The following DTNA variants were observed in gnomAD, a reference collection of about 807,000 sequenced individuals.
DTNA encodes the protein dystrophin-related protein 3.
Under a neutral mutation model 100.7 loss-of-function variants are expected in DTNA, and 43 were observed. The observed-to-expected ratio is 0.43, with a 90% CI of 0.33 to 0.55. The LOEUF is 0.55. DTNA is among the 20% of genes least tolerant of loss of function. The probability of loss-of-function intolerance (pLI) is 0.04; values close to 1 mark genes in which losing one functional copy is unlikely to be tolerated. For synonymous variants in DTNA, 349 were observed against 347.9 expected (o/e 1.00, Z -0.04); for missense variants, 798 against 953.9 (o/e 0.84, Z 2.15).
chr18:34,868,658 C>G (rs1477755942), intron 17 of DTNA: 1 of 985,150 alleles, frequency 1.0e-6, no homozygotes, highest in African/African-American at 1.7e-5. Flanking sequence ...ATTATACTGG[C>G]ATATATAATT....
At chr18:34,867,643 C>T (rs2096720356) in intron 17 of DTNA, 1 of 993,764 alleles carries the variant, frequency 1.0e-6, no homozygotes. Context: ...GGGCAATCAT[C>T]CTGTCGTCAT....
chr18:34,788,775 A>G (rs1294592830), intron 3 of DTNA, among the ~76,000 whole-genome samples: 2 of 152,218 alleles, frequency 1.3e-5, no homozygotes, highest in Non-Finnish European at 2.9e-5. Context: ...TACTTCACCC[A>G]CATAATACGT....
intron 4 of DTNA, among the ~76,000 whole-genome samples, chr18:34,803,803 G>C (rs17557347): frequency 0.088 from 13,330 of 152,242 alleles, 678 homozygotes; most frequent in Non-Finnish European, 0.11. Context: ...TTCTATTACA[G>C]CTACCTGCTC....
intron 1 of DTNA, among the ~76,000 whole-genome samples, chr18:34,722,831 G>T (rs769477487): frequency 6.6e-6 from 1 of 151,960 alleles, no homozygotes; most frequent in Non-Finnish European, 1.5e-5. Context: ...TTTTTGGTCT[G>T]GTTTCTTTCA....
intron 1 of DTNA, among the ~76,000 whole-genome samples, chr18:34,659,124 G>A (rs1189184299): frequency 6.6e-6 from 1 of 152,062 alleles, no homozygotes; most frequent in Non-Finnish European, 1.5e-5. Context: ...GTTATGACTG[G>A]AAGGAGATGA....
chr18:34,680,242 A>G (rs989836703), intron 1 of DTNA, among the ~76,000 whole-genome samples: 1 of 152,172 alleles, frequency 6.6e-6, no homozygotes, highest in African/African-American at 2.4e-5. Context: ...ATGAATAAAT[A>G]TATTTTACAT....
chr18:34,703,139 C>T (rs890131576), intron 1 of DTNA, among the ~76,000 whole-genome samples: 6 of 152,102 alleles, frequency 3.9e-5, no homozygotes, highest in East Asian at 1.9e-4. Flanking sequence ...TGTGGATTGT[C>T]GGGTTTCTCT....
chr18:34,874,577 TAGG>T (rs1411530989), intron 17 of DTNA, among the ~76,000 whole-genome samples: 2 of 152,232 alleles, frequency 1.3e-5, no homozygotes, highest in Non-Finnish European at 2.9e-5. Context: ...TGCTTTTTCA[TAGG>T]AGAAGAGAAG....
chr18:34,687,668 A>G (rs760791512), intron 1 of DTNA, among the ~76,000 whole-genome samples: 3 of 152,224 alleles, frequency 2.0e-5, no homozygotes, highest in Non-Finnish European at 4.4e-5. Flanking sequence ...TGCCTGGTCC[A>G]GAGCTGAGTT....
At chr18:34,542,663 G>A (rs2044357479) in intron 1 of DTNA, among the ~76,000 whole-genome samples, 1 of 149,708 alleles carries the variant, frequency 6.7e-6, no homozygotes, top group Non-Finnish European at 1.5e-5. Context: ...AGTTGTTTCT[G>A]TTCTGTGAAA....
intron 3 of DTNA, 53 bp downstream of exon 3, chr18:34,766,094 A>T: frequency 1.3e-6 from 2 of 1,573,168 alleles, no homozygotes; most frequent in Non-Finnish European, 1.7e-6. Context: ...TATAGTTTAC[A>T]TTTGGTACTA....
At chr18:34,813,841 CAAA>C (rs34385959) in intron 6 of DTNA, among the ~76,000 whole-genome samples, 4 of 71,544 alleles carry the variant, frequency 5.6e-5, no homozygotes, top group Admixed American at 1.7e-4. Flanking sequence ...GACTCCATCT[CAAA>C]AAAAAAAAAA....
intron 1 of DTNA, among the ~76,000 whole-genome samples, chr18:34,714,912 A>G (rs1000446117): frequency 2.6e-5 from 4 of 152,176 alleles, no homozygotes; most frequent in Non-Finnish European, 4.4e-5. Context: ...TTGTAGGGAC[A>G]TGGATGAAAC....
At chr18:34,583,630 T>C (rs1447526290) in intron 1 of DTNA, among the ~76,000 whole-genome samples, 25 of 151,866 alleles carry the variant, frequency 1.6e-4, no homozygotes, top group Non-Finnish European at 3.4e-4. Flanking sequence ...GTGGTATGTG[T>C]TTTTAGCTAA....
chr18:34,601,819 T>TA (rs1234085850), intron 1 of DTNA, among the ~76,000 whole-genome samples: 1 of 152,184 alleles, frequency 6.6e-6, no homozygotes. Context: ...TCCTTACACT[T>TA]ACCACTCAGG....
intron 1 of DTNA, among the ~76,000 whole-genome samples, chr18:34,512,326 G>A (rs2041172866): frequency 6.6e-6 from 1 of 151,896 alleles, no homozygotes; most frequent in South Asian, 2.1e-4. Context: ...ATTTATAAAT[G>A]TACAAATTCA....
At position 34,573,478 on chromosome 18, in the gene DTNA, A is replaced by G. The variant is rs530673901; in HGVS notation, c.-2+79964A>G. 2.0e-5 allele frequency among the ~76,000 whole-genome samples: 3 copies of G among 152,346 alleles called. No homozygotes were observed. In the East Asian group the frequency reaches 5.8e-4, roughly 29 times the overall value. On this transcript the variant is annotated intron_variant, in intron 1 of 19. Coordinates refer to the DTNA transcript ENST00000283365. ...GCACCTGTTACCTCATTTTGTTTAC[A>G]CATGGCTACATGTTGTCATACTCTA...
intron 1 of DTNA, among the ~76,000 whole-genome samples, chr18:34,721,511 AAAAC>A (rs1406852283): frequency 1.2e-4 from 19 of 152,360 alleles, no homozygotes; most frequent in Middle Eastern, 3.4e-3. Context: ...CTAATGAAAA[AAAAC>A]AAACAAACAA....
chr18:34,648,968 T>A (rs1380899013), intron 1 of DTNA, among the ~76,000 whole-genome samples: 1 of 152,232 alleles, frequency 6.6e-6, no homozygotes, highest in Non-Finnish European at 1.5e-5. Flanking sequence ...TGGTTCTCAT[T>A]TTTCAATTTA....
Sources: gnomAD v4.1 joint callset for allele counts (sites outside exome capture counted in the v4.1 genomes callset) on GRCh38, gnomAD v4.1.1 for gene constraint, MANE v1.5 for transcripts, NCBI Gene and HGNC (gene_info 2026-07-23, HGNC 2026-07-21) for gene names.